DEPDC5: variants seen among roughly 807,000 people sequenced by gnomAD.
The protein encoded by DEPDC5 is DEP domain containing 5, GATOR1 subcomplex subunit, also known as GATOR1 complex protein DEPDC5.
A neutral mutation model predicts 217.3 loss-of-function variants in DEPDC5; 73 were observed. That is an observed-to-expected ratio of 0.34 (90% CI 0.28 to 0.41). DEPDC5 has a LOEUF of 0.41. Ranked by LOEUF, DEPDC5 falls within the 10% of genes least tolerant of loss-of-function variation. The probability of loss-of-function intolerance (pLI) is 1.00; values close to 1 mark genes in which losing one functional copy is unlikely to be tolerated. For missense variants in DEPDC5, 1,675 were observed against 2,070.1 expected, an observed-to-expected ratio of 0.81 and a Z score of 3.70; for synonymous variants, 733 against 756.7, an observed-to-expected ratio of 0.97 and a Z score of 0.51.
chr22:31,786,251 A>G (rs2084971830), intron 10 of DEPDC5, among the ~76,000 whole-genome samples: 1 of 148,664 alleles, frequency 6.7e-6, no homozygotes, highest in Admixed American at 6.8e-5. Flanking sequence ...GTGAGACTCC[A>G]TCTCATAAAT....
intron 33 of DEPDC5, among the ~76,000 whole-genome samples, 188 bp from the exon 34 acceptor site, chr22:31,870,402 C>A (rs1054695821): frequency 2.6e-5 from 4 of 152,164 alleles, no homozygotes; most frequent in Non-Finnish European, 4.4e-5. Flanking sequence ...GGTAGAGTCT[C>A]TAGACAACTT....
rs143004910 is a variant in DEPDC5 at position 31,764,801 on chromosome 22, A to C, written c.194-174A>C. On this transcript the variant is annotated intron_variant, in intron 4 of 42. Coordinates refer to ENST00000651528, the MANE Select transcript of DEPDC5 (RefSeq NM_001242896.3). ...ATTGCTTAGGCTCTGGTCTTATTTC[A>C]CCTAAAAAGCAGAGAATTGTTTAAA... is the stretch of plus-strand genomic sequence containing the variant. Among the ~76,000 whole-genome samples, 122 of 152,016 alleles carry C rather than the reference A, an allele frequency of 8.0e-4. 1 individual carries two copies. Among genetic ancestry groups the C allele is most frequent in the Middle Eastern group, 3.4e-3 (1 of 294 alleles).
At chr22:31,882,530 G>A (rs907562630) in intron 38 of DEPDC5, among the ~76,000 whole-genome samples, 7 of 152,122 alleles carry the variant, frequency 4.6e-5, no homozygotes, top group Non-Finnish European at 7.4e-5. Flanking sequence ...AGTAAGAGGC[G>A]CTCGAACCAG....
At position 31,754,855 on chromosome 22, in the gene DEPDC5, G is replaced by C; in HGVS notation, c.-60-7G>C. 6.3e-7 allele frequency: 1 copy of C among 1,576,876 alleles called. No individual in the cohort carries two copies. Among genetic ancestry groups the C allele is most frequent in the Non-Finnish European group, 8.7e-7 (1 of 1,148,556 alleles). Reference sequence around the variant, plus strand: ...TTCCAACCTTTTCGTTTGTATTTCTGTGGCAGGGAGGCAAGATGACTTCTC... The same window carrying C: ...TTCCAACCTTTTCGTTTGTATTTCTCTGGCAGGGAGGCAAGATGACTTCTC... On this transcript the variant is annotated splice_polypyrimidine_tract_variant and splice_region_variant and intron_variant, in intron 1 of 42. Transcript: ENST00000651528.
At chr22:31,777,264 G>GTT (rs371773869) in intron 7 of DEPDC5, among the ~76,000 whole-genome samples, 70 of 117,796 alleles carry the variant, frequency 5.9e-4, no homozygotes, top group Admixed American at 8.2e-4. Flanking sequence ...CTGGCCCTAA[G>GTT]TTTTTTTTTT....
chr22:31,902,358 C>T (rs544419996), intron 41 of DEPDC5, among the ~76,000 whole-genome samples: 67 of 148,236 alleles, frequency 4.5e-4, no homozygotes, highest in Non-Finnish European at 4.9e-4. Context: ...CTTGTTCTTG[C>T]TTTGGTAATC....
At chr22:31,773,355 TTTTTTG>T (rs1244255806) in intron 7 of DEPDC5, among the ~76,000 whole-genome samples, 1 of 152,172 alleles carries the variant, frequency 6.6e-6, no homozygotes, top group African/African-American at 2.4e-5. Context: ...GCCTGGCTCT[TTTTTTG>T]TTTTTGTTTT....
intron 33 of DEPDC5, among the ~76,000 whole-genome samples, chr22:31,865,969 G>A (rs1408137411): frequency 6.6e-6 from 1 of 152,164 alleles, no homozygotes; most frequent in African/African-American, 2.4e-5. Context: ...AAGACAAAGG[G>A]GAGTGTCATC....
At chr22:31,779,092 A>T (rs936809402) in intron 8 of DEPDC5, among the ~76,000 whole-genome samples, 1 of 152,098 alleles carries the variant, frequency 6.6e-6, no homozygotes, top group Non-Finnish European at 1.5e-5. Context: ...TGCCAGTATC[A>T]CCTACCACCC....
chr22:31,832,291 G>T (rs527341030), intron 24 of DEPDC5, among the ~76,000 whole-genome samples: 1 of 152,058 alleles, frequency 6.6e-6, no homozygotes, highest in Admixed American at 6.6e-5. Context: ...CATTTTTCTT[G>T]TATAAATTTC....
rs2089459861 is a variant in DEPDC5 at position 31,819,337 on chromosome 22, A to G, written c.1870+112A>G. 7.7e-6 allele frequency: 9 copies of G among 1,174,416 alleles called. No homozygotes were observed. The South Asian group carries it at 9.7e-5, about 13-fold the overall frequency. 72.7% of individuals were successfully genotyped at this position (1,174,416 alleles called of 1,614,324 possible). A position where few individuals can be genotyped will look rare whatever the true frequency, so the allele number is the denominator to read the frequency against. On this transcript the variant is annotated intron_variant, in intron 22 of 42. Coordinates refer to ENST00000651528, the MANE Select transcript of DEPDC5 (RefSeq NM_001242896.3). ...GTGCCTCTGTTGCTCCACCTGTAAGATGGGATAACCATGCCCACTTTGGCC... is the reference window on the plus strand; with the variant it reads ...GTGCCTCTGTTGCTCCACCTGTAAGGTGGGATAACCATGCCCACTTTGGCC...
At chr22:31,856,155 G>GCGCGCGCA (rs1226909374) in intron 31 of DEPDC5, among the ~76,000 whole-genome samples, 30 of 140,568 alleles carry the variant, frequency 2.1e-4, no homozygotes, top group South Asian at 4.6e-4. Context: ...GGGCCAACGC[G>GCGCGCGCA]CACACACACA....
chr22:31,766,477 AGTT>A lies in DEPDC5; in HGVS notation c.280-107_280-105del, dbSNP rs1175383562. The A allele has an allele frequency of 3.0e-6, 3 of 999,332 alleles. No individual in the cohort carries two copies. In the African/African-American group the frequency reaches 4.9e-5, roughly 16 times the overall value. 61.9% of individuals were successfully genotyped at this position (999,332 alleles called of 1,614,324 possible). On this transcript the variant is annotated intron_variant, in intron 5 of 42. Transcript: ENST00000651528. ...TTCTGCTACTGAATGGTCTTCCAGT[AGTT>A]TTCTTTTTTGCAATAAGTTTTTTTC...
chr22:31,904,517 C>T (rs1268631313), intron 41 of DEPDC5, among the ~76,000 whole-genome samples: 6 of 152,110 alleles, frequency 3.9e-5, no homozygotes, highest in Admixed American at 6.5e-5. Context: ...CCGAAGCAGG[C>T]GGATCACCTG....
intron 10 of DEPDC5, among the ~76,000 whole-genome samples, chr22:31,785,338 A>G (rs2084874757): frequency 6.6e-6 from 1 of 152,204 alleles, no homozygotes; most frequent in South Asian, 2.1e-4. Flanking sequence ...TCAACACACA[A>G]AATCAATTGT....
At position 31,846,843 on chromosome 22, in the gene DEPDC5, G is replaced by T. The variant is rs764941727; in HGVS notation, c.3031G>T (p.Ala1011Ser). 11 of 1,614,058 alleles carry T rather than the reference G, an allele frequency of 6.8e-6. No homozygotes were observed. In the African/African-American group the frequency reaches 1.1e-4, roughly 16 times the overall value. Residue 1011 changes from alanine (A) to serine (S), a missense_variant, in exon 31 of 43, where the codon GCC becomes TCC. Physicochemically the swap from Ala to Ser is moderately conservative, Grantham distance 99. Around this residue, in one of 11 missense-constraint regions of DEPDC5, gnomAD observed 293 missense variants for 386.1 expected, o/e 0.76. Transcript: ENST00000651528. ...RSDRMMRKGTAMKGLQMTGPI... is the reference protein window; with the variant it reads ...RSDRMMRKGTSMKGLQMTGPI... ...CTCTTCTCTGCTTTAGAAAGGGACC[G>T]CCATGAAAGGCTTGCAGATGACTGG...
intron 10 of DEPDC5, among the ~76,000 whole-genome samples, chr22:31,790,350 C>T (rs977018619): frequency 2.6e-5 from 4 of 152,154 alleles, no homozygotes; most frequent in Non-Finnish European, 5.9e-5. Flanking sequence ...ACTGAAACTG[C>T]GCTTGCTAGC....
intron 34 of DEPDC5, among the ~76,000 whole-genome samples, chr22:31,871,320 C>T (rs554337643): frequency 1.3e-5 from 2 of 152,302 alleles, no homozygotes; most frequent in African/African-American, 2.4e-5. Flanking sequence ...ACTGTATTGA[C>T]GAAGCAGTCC....
At chr22:31,888,094 T>C (rs2093355936) in intron 38 of DEPDC5, among the ~76,000 whole-genome samples, 1 of 152,108 alleles carries the variant, frequency 6.6e-6, no homozygotes, top group African/African-American at 2.4e-5. Flanking sequence ...CTGGCTTGGC[T>C]CATGGGGGCT....
Sources: allele counts gnomAD v4.1 joint callset (sites outside exome capture counted in the v4.1 genomes callset), GRCh38; gene constraint gnomAD v4.1.1; regional missense constraint gnomAD v4.1.1; transcripts MANE v1.5; gene names NCBI Gene and HGNC (gene_info 2026-07-23, HGNC 2026-07-21).